The following ZNF563 variants were observed in gnomAD, a reference collection of about 807,000 sequenced individuals.
ZNF563 encodes zinc finger protein 563.
In ZNF563, 39 loss-of-function variants were observed where a neutral mutation model predicts 48.5. The ratio of observed to expected loss-of-function variants is 0.80; its 90% CI spans 0.62 to 1.05. ZNF563 has a LOEUF of 1.05. ZNF563 is among the 50% of genes least tolerant of loss of function. The pLI is 0.00. For synonymous variants in ZNF563, 168 were observed against 187.9 expected (o/e 0.89, Z 0.87); for missense variants, 538 against 597.0 (o/e 0.90, Z 1.03).
intron 1 of ZNF563, among the ~76,000 whole-genome samples, chr19:12,323,912 A>G (rs758393970): frequency 1.2e-4 from 18 of 152,330 alleles, no homozygotes; most frequent in Non-Finnish European, 2.1e-4. Context: ...CACCATCCCA[A>G]TGGAAAATTT....
Position 12,319,308 on chromosome 19 carries a change from G to A in ZNF563, c.717C>T (p.Ser239=). ...QCSKAFPFYS[S]YRRHERMHTG... is the part of the protein sequence containing the mutation. ...TGTGCATTCTCTCATGTCTTCGATA[G>A]GAACTGTAAAAAGGAAAGGCTTTAG... Residue 239 remains serine (S), a synonymous_variant, in exon 4 of 4, where the codon TCC becomes TCT. Coordinates refer to ENST00000293725, the MANE Select transcript of ZNF563 (RefSeq NM_145276.3). The A allele has an allele frequency of 1.2e-6, 2 of 1,613,890 alleles. No individual in the cohort carries two copies. Among genetic ancestry groups the A allele is most frequent in the Non-Finnish European group, 1.7e-6 (2 of 1,179,946 alleles).
chr19:12,332,347 C>CTTTTTTTTTTT (rs567439951), intron 1 of ZNF563, among the ~76,000 whole-genome samples: 1 of 135,174 alleles, frequency 7.4e-6, no homozygotes, highest in Non-Finnish European at 1.6e-5. Context: ...TTTCTTTTTT[C>CTTTTTTTTTTT]TTTTTTTTTT....
chr19:12,337,721 C>T (rs946153346), upstream of ZNF563, among the ~76,000 whole-genome samples: 2 of 152,068 alleles, frequency 1.3e-5, no homozygotes, highest in Non-Finnish European at 2.9e-5. Context: ...AAAAATTCTA[C>T]AAATAAAAAC....
At position 12,318,450 on chromosome 19, in the gene ZNF563, T is replaced by A. The variant is rs1968489164; in HGVS notation, c.*144A>T. On this transcript the variant is annotated 3_prime_UTR_variant, in exon 4 of 4. Coordinates refer to ENST00000293725, the MANE Select transcript of ZNF563 (RefSeq NM_145276.3). ...CTTATATCATACAGCATCTCTCCAG[T>A]GTGAGATATTTCATGATTTTGAAAG... 1.1e-6 allele frequency: 1 copy of A among 910,636 alleles called. No individual in the cohort carries two copies. The highest frequency in any genetic ancestry group is 2.9e-5 in the Admixed American group (1 of 34,836). 56.4% of individuals were successfully genotyped at this position (910,636 alleles called of 1,614,324 possible).
rs1968486786 is a variant in ZNF563, at chr19:12,318,355, T to C, written c.*239A>G. ...CCCTACATATTTTACACTCACAGAG[T>C]TTTTCTGCTCTGTGAGTTGTTTTAT... On this transcript the variant is annotated 3_prime_UTR_variant, in exon 4 of 4. Transcript: ENST00000293725. 1.9e-6 allele frequency: 1 copy of C among 536,644 alleles called. No homozygotes were observed. Among genetic ancestry groups the C allele is most frequent in the Non-Finnish European group, 3.3e-6 (1 of 306,788 alleles). The allele number at this position is 536,644 out of a possible 1,614,324, so 33.2% of individuals were successfully genotyped here. A position where few individuals can be genotyped will look rare whatever the true frequency, so the allele number is the denominator to read the frequency against.
intron 1 of ZNF563, among the ~76,000 whole-genome samples, chr19:12,329,925 CT>C (rs113676690): frequency 0.19 from 27,879 of 145,480 alleles, 2,639 homozygotes; most frequent in East Asian, 0.25. Flanking sequence ...CTTTTCTTTT[CT>C]TTTTTTTTTT....
intron 2 of ZNF563, 72 bp downstream of exon 2, chr19:12,322,513 C>A: frequency 1.4e-6 from 2 of 1,460,136 alleles, no homozygotes; most frequent in South Asian, 1.3e-5. Context: ...TATTTCAAAT[C>A]ATTGAACAGC....
At chr19:12,321,138 T>TA (rs200431524) in intron 3 of ZNF563, 134 bp downstream of exon 3, 7,926 of 530,958 alleles carry the variant, frequency 0.015, no homozygotes, top group Middle Eastern at 0.019. Context: ...AGGCCCTGAC[T>TA]AAAAAAAAAA....
chr19:12,333,968 G>C (rs1015918401), upstream of ZNF563, among the ~76,000 whole-genome samples: 3 of 152,210 alleles, frequency 2.0e-5, no homozygotes, highest in African/African-American at 7.2e-5. Context: ...CCTGGAGAAG[G>C]AGTCACAAGT....
chr19:12,320,487 G>A (rs1221527310), intron 3 of ZNF563, among the ~76,000 whole-genome samples: 2 of 151,808 alleles, frequency 1.3e-5, no homozygotes, highest in African/African-American at 4.8e-5. Context: ...AACCATAGGT[G>A]TGCACCAACA....
At chr19:12,323,254 A>G (rs1224831905) in intron 1 of ZNF563, among the ~76,000 whole-genome samples, 2 of 152,218 alleles carry the variant, frequency 1.3e-5, no homozygotes, top group African/African-American at 4.8e-5. Context: ...GAATCTTACA[A>G]ACTCAGCAGA....
intron 1 of ZNF563, 52 bp downstream of exon 1, chr19:12,333,428 G>C: frequency 2.5e-6 from 4 of 1,609,566 alleles, no homozygotes; most frequent in Non-Finnish European, 3.4e-6. Flanking sequence ...GGTTCTGGAC[G>C]GTTCCAACCA....
In ZNF563 at chr19:12,318,784, G is replaced by A. The variant is rs1968505237; in HGVS notation, c.1241C>T (p.Ser414Phe). The change falls in exon 4 of 4, where the codon TCT becomes TTT. Residue 414 changes from serine (S) to phenylalanine (F), a missense_variant. Transcript: ENST00000293725. ...TTCATAGGGTTTCTCTCCACTGTGA[G>A]ACTTTTCGTGTCTTTGACATACACT... ...YPSVCQRHEKSHSGEKPYECK... is the reference protein window; with the variant it reads ...YPSVCQRHEKFHSGEKPYECK... 2.5e-6 allele frequency: 4 copies of A among 1,612,558 alleles called. No homozygotes were observed. Among genetic ancestry groups the A allele is most frequent in the Non-Finnish European group, 3.4e-6 (4 of 1,179,660 alleles).
At chr19:12,327,549 T>G (rs534051257) in intron 1 of ZNF563, among the ~76,000 whole-genome samples, 1 of 151,580 alleles carries the variant, frequency 6.6e-6, no homozygotes, top group Non-Finnish European at 1.5e-5. Flanking sequence ...AATATACATA[T>G]ACATATTAAT....
chr19:12,346,417 C>T, the ZNF563 span: 1 of 152,024 alleles, frequency 6.6e-6, no homozygotes, highest in East Asian at 1.9e-4. Context: ...CATTAATTGG[C>T]TATTATGAAA....
the ZNF563 span, among the ~76,000 whole-genome samples, chr19:12,344,230 AAAAAATAC>A: frequency 8.6e-5 from 13 of 151,950 alleles, no homozygotes; most frequent in Non-Finnish European, 1.9e-4. Flanking sequence ...CTGTCTCTAC[AAAAAATAC>A]AAAAATTAGT....
chr19:12,322,075 A>G (rs1291094382), intron 2 of ZNF563, among the ~76,000 whole-genome samples: 1 of 151,700 alleles, frequency 6.6e-6, no homozygotes, highest in Non-Finnish European at 1.5e-5. Flanking sequence ...TATTTTTTTG[A>G]GACAGATTCT....
rs186337625 is a variant in ZNF563 at position 12,331,658 on chromosome 19, C to A, written c.3+1822G>T. Among the ~76,000 whole-genome samples the A allele has an allele frequency of 3.7e-3, 569 of 152,312 alleles. 2 individuals are homozygous for A. The highest frequency in any genetic ancestry group is 0.013 in the African/African-American group (545 of 41,576). ...TCCCACCACAGGGTATCCAGCTCTT[C>A]CCCTGGGAGGCCCCAGCCCTGCATC... On this transcript the variant is annotated intron_variant, in intron 1 of 3. Coordinates refer to ENST00000293725, the MANE Select transcript of ZNF563 (RefSeq NM_145276.3).
the ZNF563 span, among the ~76,000 whole-genome samples, chr19:12,342,450 A>T: frequency 6.6e-6 from 1 of 151,950 alleles, no homozygotes; most frequent in African/African-American, 2.4e-5. Context: ...AAATACTTTA[A>T]GGCCATGAGA....
Sources: allele counts gnomAD v4.1 joint callset (sites outside exome capture counted in the v4.1 genomes callset), GRCh38; gene constraint gnomAD v4.1.1; transcripts MANE v1.5; gene names NCBI Gene and HGNC (gene_info 2026-07-23, HGNC 2026-07-21).